DYM: variants seen among roughly 807,000 people sequenced by gnomAD.
The protein encoded by DYM is dymeclin, also known as dyggve-Melchior-Clausen syndrome protein.
Under a neutral mutation model 93.1 loss-of-function variants are expected in DYM, and 78 were observed. The observed-to-expected ratio is 0.84, with a 90% CI of 0.70 to 1.01. The LOEUF is 1.01. Ranked by LOEUF, DYM falls within the 50% of genes least tolerant of loss-of-function variation. The probability of loss-of-function intolerance (pLI) is 0.00; values close to 1 mark genes in which losing one functional copy is unlikely to be tolerated. For synonymous variants in DYM, 321 were observed against 319.7 expected (o/e 1.00, Z -0.04); for missense variants, 789 against 845.0 (o/e 0.93, Z 0.82).
At chr18:49,115,109 C>T (rs950356336) in intron 16 of DYM, among the ~76,000 whole-genome samples, 1 of 152,054 alleles carries the variant, frequency 6.6e-6, no homozygotes, top group Non-Finnish European at 1.5e-5. Context: ...AAATTGAGGG[C>T]TAAAATGAAA....
chr18:49,278,311 G>A (rs1179782817), intron 10 of DYM, among the ~76,000 whole-genome samples: 2 of 152,170 alleles, frequency 1.3e-5, no homozygotes, highest in Non-Finnish European at 2.9e-5. Flanking sequence ...GCATATCTGC[G>A]ATATTGTGCA....
At chr18:49,436,062 G>C (rs1190371173) in intron 1 of DYM, among the ~76,000 whole-genome samples, 6 of 152,224 alleles carry the variant, frequency 3.9e-5, no homozygotes, top group African/African-American at 9.6e-5. Flanking sequence ...ACCCACACTA[G>C]AGTGCAGTGG....
At chr18:49,253,007 G>A (rs1598914680) in intron 13 of DYM, among the ~76,000 whole-genome samples, 2 of 152,244 alleles carry the variant, frequency 1.3e-5, no homozygotes, top group East Asian at 3.9e-4. Flanking sequence ...AAGGCACATG[G>A]TCATTAAGTA....
chr18:49,083,517 C>A (rs2078236032), intron 17 of DYM, among the ~76,000 whole-genome samples: 2 of 151,858 alleles, frequency 1.3e-5, no homozygotes, highest in South Asian at 4.1e-4. Flanking sequence ...ACTGGCCTCC[C>A]TGAATGAGCT....
At chr18:49,132,864 G>A (rs2083491611) in intron 15 of DYM, among the ~76,000 whole-genome samples, 1 of 152,134 alleles carries the variant, frequency 6.6e-6, no homozygotes, top group Non-Finnish European at 1.5e-5. Flanking sequence ...AGGAATTAGG[G>A]AAAAGTCAAT....
chr18:49,164,899 C>G (rs2145108292), intron 14 of DYM, among the ~76,000 whole-genome samples: 1 of 152,132 alleles, frequency 6.6e-6, no homozygotes, highest in African/African-American at 2.4e-5. Context: ...CCTAATAGAG[C>G]AAAACAAACA....
chr18:49,046,533 GAC>G (rs2071602590), intron 17 of DYM, among the ~76,000 whole-genome samples: 2 of 149,022 alleles, frequency 1.3e-5, no homozygotes, highest in Admixed American at 1.3e-4. Flanking sequence ...ACACACACCA[GAC>G]ACACAGACAC....
chr18:49,279,012 G>C (rs1409127818), intron 10 of DYM, among the ~76,000 whole-genome samples: 1 of 152,234 alleles, frequency 6.6e-6, no homozygotes, highest in East Asian at 1.9e-4. Flanking sequence ...TTTCTAAAAA[G>C]TATGCCCTCT....
intron 14 of DYM, among the ~76,000 whole-genome samples, chr18:49,196,162 G>A (rs1031819835): frequency 1.3e-5 from 2 of 151,974 alleles, no homozygotes; most frequent in Non-Finnish European, 2.9e-5. Flanking sequence ...CTAACCTCAG[G>A]TGATCCACCC....
intron 15 of DYM, among the ~76,000 whole-genome samples, chr18:49,128,237 G>A (rs2083019494): frequency 6.6e-6 from 1 of 152,166 alleles, no homozygotes; most frequent in Non-Finnish European, 1.5e-5. Context: ...ACAGAACTTG[G>A]GGTGCAGAAT....
At chr18:49,047,691 T>TC (rs1460153026) in intron 17 of DYM, among the ~76,000 whole-genome samples, 2 of 152,112 alleles carry the variant, frequency 1.3e-5, no homozygotes, top group Non-Finnish European at 2.9e-5. Context: ...GGGAGCCTCC[T>TC]CATACACTGT....
intron 8 of DYM, among the ~76,000 whole-genome samples, chr18:49,294,635 A>G (rs1368916198): frequency 3.9e-5 from 6 of 152,214 alleles, no homozygotes; most frequent in African/African-American, 1.4e-4. Flanking sequence ...TCATTTTTAA[A>G]AAATGAACTC....
chr18:49,369,645 G>A (rs188466416), intron 5 of DYM, among the ~76,000 whole-genome samples: 2,269 of 129,494 alleles, frequency 0.018, 56 homozygotes, highest in African/African-American at 0.054. Context: ...TGACTTTTTA[G>A]AAGTCCCTTT....
intron 15 of DYM, among the ~76,000 whole-genome samples, chr18:49,163,091 GT>G (rs1471381346): frequency 2.0e-5 from 3 of 152,118 alleles, no homozygotes; most frequent in Non-Finnish European, 2.9e-5. Flanking sequence ...CCCTGCTTTT[GT>G]TTTTGTGTTA....
chr18:49,448,815 G>A (rs905622816), intron 1 of DYM, among the ~76,000 whole-genome samples: 1 of 152,190 alleles, frequency 6.6e-6, no homozygotes, highest in African/African-American at 2.4e-5. Flanking sequence ...TTAAAAAGCA[G>A]CTCATTTTCT....
rs188740479 is a variant in DYM, at chr18:49,286,711, T to C, written c.764-95A>G. On this transcript the variant is annotated intron_variant, in intron 8 of 17. Transcript: ENST00000675505. ...TGTGTAATATAATACAATATGGTAA[T>C]GAGCAGTTCCAAAGTGTAGAACAAG... 6.5e-4 allele frequency: 792 copies of C among 1,222,758 alleles called. 1 individual carries two copies. Among genetic ancestry groups the C allele is most frequent in the Non-Finnish European group, 7.2e-4 (613 of 849,004 alleles). 75.7% of individuals were successfully genotyped at this position (1,222,758 alleles called of 1,614,324 possible).
At chr18:49,060,168 T>C (rs2075833906) in intron 17 of DYM, among the ~76,000 whole-genome samples, 1 of 152,168 alleles carries the variant, frequency 6.6e-6, no homozygotes, top group Non-Finnish European at 1.5e-5. Context: ...CCAGTTCTGA[T>C]TTGTATGGAC....
chr18:49,154,357 T>C (rs1162352165), intron 15 of DYM, among the ~76,000 whole-genome samples: 2 of 152,160 alleles, frequency 1.3e-5, no homozygotes, highest in Non-Finnish European at 2.9e-5. Flanking sequence ...TGTAAGATAT[T>C]AGCAAAAGGG....
At chr18:49,270,618 C>T (rs150255442) in intron 11 of DYM, among the ~76,000 whole-genome samples, 5 of 152,184 alleles carry the variant, frequency 3.3e-5, no homozygotes, top group African/African-American at 1.2e-4. Flanking sequence ...GATGGATATG[C>T]TAATTTACCT....
Sources: gnomAD v4.1 joint callset for allele counts (sites outside exome capture counted in the v4.1 genomes callset) on GRCh38, gnomAD v4.1.1 for gene constraint, MANE v1.5 for transcripts, NCBI Gene and HGNC (gene_info 2026-07-23, HGNC 2026-07-21) for gene names.